CADM2: variants seen among roughly 807,000 people sequenced by gnomAD.
CADM2 encodes the protein cell adhesion molecule 2.
In CADM2, 12 loss-of-function variants were observed where a neutral mutation model predicts 49.8. The observed-to-expected ratio is 0.24, with a 90% confidence interval of 0.15 to 0.39. The LOEUF (loss-of-function observed/expected upper bound fraction) is 0.39, where lower values mean the gene tolerates loss of function less well. Ranked by LOEUF, CADM2 falls within the 10% of genes least tolerant of loss-of-function variation. The pLI is 1.00. For synonymous variants in CADM2, 214 were observed against 175.4 expected (o/e 1.22, Z -1.74); for missense variants, 378 against 492.3 (o/e 0.77, Z 2.20).
chr3:85,096,463 T>C (rs919289855), intron 1 of CADM2, among the ~76,000 whole-genome samples: 9 of 152,228 alleles, frequency 5.9e-5, no homozygotes, highest in African/African-American at 2.2e-4. Flanking sequence ...TATAAGAAAA[T>C]AGATCTTATT....
chr3:85,590,082 T>G (rs1015745646), intron 1 of CADM2, among the ~76,000 whole-genome samples: 1 of 151,988 alleles, frequency 6.6e-6, no homozygotes, highest in African/African-American at 2.4e-5. Context: ...AAATATGCAA[T>G]GAAGCCATCA....
At chr3:85,107,773 C>T (rs1282832530) in intron 1 of CADM2, among the ~76,000 whole-genome samples, 1 of 146,144 alleles carries the variant, frequency 6.8e-6, no homozygotes, top group Non-Finnish European at 1.5e-5. Context: ...GATCTCAGCT[C>T]ACTGCAACTT....
intron 1 of CADM2, among the ~76,000 whole-genome samples, chr3:85,003,075 C>T (rs150006010): frequency 6.6e-6 from 1 of 152,274 alleles, no homozygotes; most frequent in East Asian, 1.9e-4. Context: ...GGATTACAGG[C>T]ATGAGCTACC....
chr3:85,063,686 G>A (rs2036419704), intron 1 of CADM2, among the ~76,000 whole-genome samples: 1 of 152,016 alleles, frequency 6.6e-6, no homozygotes, highest in Admixed American at 6.6e-5. Flanking sequence ...TGGGAATTGT[G>A]CTTGAAGTGG....
intron 1 of CADM2, among the ~76,000 whole-genome samples, chr3:85,063,786 C>A (rs2036423445): frequency 6.6e-6 from 1 of 151,946 alleles, no homozygotes; most frequent in African/African-American, 2.4e-5. Flanking sequence ...CCTTGACAAG[C>A]AGAATGTCTT....
intron 1 of CADM2, among the ~76,000 whole-genome samples, chr3:85,491,045 G>T (rs2039648978): frequency 6.6e-6 from 1 of 152,096 alleles, no homozygotes; most frequent in Non-Finnish European, 1.5e-5. Flanking sequence ...ATTATCATTT[G>T]TCATGTTAAG....
chr3:85,125,142 A>T (rs529898210), intron 1 of CADM2, among the ~76,000 whole-genome samples: 1 of 152,314 alleles, frequency 6.6e-6, no homozygotes, highest in Non-Finnish European at 1.5e-5. Context: ...GACACATGTT[A>T]AGTAGAGGAC....
At chr3:85,999,518 A>AAAAGAAAGAAGGAAGGAAGGAAGG (rs1729877030) in intron 8 of CADM2, among the ~76,000 whole-genome samples, 2 of 151,130 alleles carry the variant, frequency 1.3e-5, no homozygotes, top group Admixed American at 6.6e-5. Flanking sequence ...AAAGAAAAGA[A>AAAAGAAAGAAGGAAGGAAGGAAGG]AAAGAAAGAA....
chr3:85,376,308 A>G (rs2107338062), intron 1 of CADM2, among the ~76,000 whole-genome samples: 1 of 152,268 alleles, frequency 6.6e-6, no homozygotes, highest in South Asian at 2.1e-4. Context: ...TTTTTAATAC[A>G]ACCTCACAGC....
intron 1 of CADM2, among the ~76,000 whole-genome samples, chr3:85,681,044 G>A (rs1305363106): frequency 1.3e-5 from 2 of 152,088 alleles, no homozygotes; most frequent in Non-Finnish European, 2.9e-5. Flanking sequence ...CTGAAGTCTT[G>A]TTTGTGTTAA....
At chr3:85,275,472 C>T (rs1451917728) in intron 1 of CADM2, among the ~76,000 whole-genome samples, 2 of 151,452 alleles carry the variant, frequency 1.3e-5, no homozygotes, top group African/African-American at 4.8e-5. Context: ...AATACATAGA[C>T]ATAGAGGTAA....
chr3:85,028,084 G>A (rs200756923), intron 1 of CADM2, among the ~76,000 whole-genome samples: 7 of 152,246 alleles, frequency 4.6e-5, no homozygotes, highest in South Asian at 2.1e-4. Flanking sequence ...TATGTGAGGC[G>A]TTATATCAGT....
intron 1 of CADM2, among the ~76,000 whole-genome samples, chr3:85,250,820 T>C (rs2042755274): frequency 6.6e-6 from 1 of 151,744 alleles, no homozygotes; most frequent in African/African-American, 2.4e-5. Context: ...TATTTCTACA[T>C]TTAATCATTG....
At chr3:85,889,665 GT>G (rs1714151504) in intron 5 of CADM2, among the ~76,000 whole-genome samples, 1 of 152,046 alleles carries the variant, frequency 6.6e-6, no homozygotes, top group Non-Finnish European at 1.5e-5. Context: ...TGTATGAAGT[GT>G]TTTCAGAGTA....
intron 1 of CADM2, among the ~76,000 whole-genome samples, chr3:85,643,468 A>T (rs2064788437): frequency 6.6e-6 from 1 of 152,182 alleles, no homozygotes; most frequent in South Asian, 2.1e-4. Flanking sequence ...ATTTCCAGAG[A>T]TGATTAGCTG....
At chr3:85,247,263 T>A (rs943826825) in intron 1 of CADM2, among the ~76,000 whole-genome samples, 1 of 152,100 alleles carries the variant, frequency 6.6e-6, no homozygotes, top group African/African-American at 2.4e-5. Context: ...TATGTTAACT[T>A]TTCCTAGATC....
chr3:85,442,610 A>T (rs879817894), intron 1 of CADM2, among the ~76,000 whole-genome samples: 5 of 96,126 alleles, frequency 5.2e-5, no homozygotes, highest in African/African-American at 1.5e-4. Flanking sequence ...ATATATATAT[A>T]TATATATATA....
chr3:85,043,648 A>G (rs1046956477), intron 1 of CADM2, among the ~76,000 whole-genome samples: 3 of 152,084 alleles, frequency 2.0e-5, no homozygotes, highest in Non-Finnish European at 4.4e-5. Context: ...TACTACACTC[A>G]AGTCTGGGTG....
intron 1 of CADM2, among the ~76,000 whole-genome samples, chr3:85,440,472 AAG>A (rs1481138805): frequency 3.3e-5 from 5 of 152,152 alleles, no homozygotes; most frequent in African/African-American, 1.2e-4. Context: ...AGCCTATTTG[AAG>A]AGACAGTTAC....
Sources: allele counts gnomAD v4.1 joint callset (sites outside exome capture counted in the v4.1 genomes callset), GRCh38; gene constraint gnomAD v4.1.1; transcripts MANE v1.5; gene names NCBI Gene and HGNC (gene_info 2026-07-23, HGNC 2026-07-21).